The following IGFBPL1 variants were observed in gnomAD, a reference collection of about 807,000 sequenced individuals.
The protein encoded by IGFBPL1 is insulin like growth factor binding protein like 1.
Under a neutral mutation model 23.9 loss-of-function variants are expected in IGFBPL1, and 20 were observed. The observed-to-expected ratio is 0.84, with a 90% CI of 0.59 to 1.22. IGFBPL1 has a LOEUF of 1.22. IGFBPL1 is among the 50% of genes most tolerant of loss of function. The pLI, the probability that IGFBPL1 is intolerant of heterozygous loss-of-function variation, is 0.00. For missense variants in IGFBPL1, 436 were observed against 379.3 expected, an observed-to-expected ratio of 1.15 and a Z score of -1.24; for synonymous variants, 184 against 171.8, an observed-to-expected ratio of 1.07 and a Z score of -0.56.
intron 1 of IGFBPL1, among the ~76,000 whole-genome samples, chr9:38,418,195 G>A (rs1254613172): frequency 1.3e-5 from 2 of 152,196 alleles, no homozygotes; most frequent in African/African-American, 4.8e-5. Context: ...ATTCCAGCAT[G>A]GCACTGGAGT....
chr9:38,418,592 G>A (rs1821631511), intron 1 of IGFBPL1, among the ~76,000 whole-genome samples: 1 of 152,138 alleles, frequency 6.6e-6, no homozygotes, highest in African/African-American at 2.4e-5. Flanking sequence ...TGCCAGAGCC[G>A]CCACACTGCC....
At chr9:38,420,318 C>T (rs1458670543) in intron 1 of IGFBPL1, among the ~76,000 whole-genome samples, 2 of 152,198 alleles carry the variant, frequency 1.3e-5, no homozygotes, top group Non-Finnish European at 2.9e-5. Flanking sequence ...AGCCTCAGTT[C>T]ATGCTGTGCC....
chr9:38,420,177 C>T (rs1038532942), intron 1 of IGFBPL1, among the ~76,000 whole-genome samples: 4 of 152,174 alleles, frequency 2.6e-5, no homozygotes, highest in Non-Finnish European at 5.9e-5. Context: ...CTTCCCCCTT[C>T]GGCCTTGCAC....
Position 38,407,391 on chromosome 9 carries a change from G to A in IGFBPL1, c.*1836C>T, listed in dbSNP as rs1195512279. On this transcript the variant is annotated 3_prime_UTR_variant, in exon 5 of 5. Coordinates refer to ENST00000377694, the MANE Select transcript of IGFBPL1 (RefSeq NM_001007563.3). ...GCGAGCCGGGGATTAATATGCAAATGGATCTCATGTTTCCAGAATCCCAGG... is the reference window on the plus strand; with the variant it reads ...GCGAGCCGGGGATTAATATGCAAATAGATCTCATGTTTCCAGAATCCCAGG... Among the ~76,000 whole-genome samples the A allele has an allele frequency of 6.6e-6, 1 of 152,206 alleles. No homozygotes were observed. Among genetic ancestry groups the A allele is most frequent in the African/African-American group, 2.4e-5 (1 of 41,446 alleles).
chr9:38,424,358 A>ACAGCGGCGG lies in IGFBPL1; in HGVS notation c.58_66dup (p.Pro20_Leu22dup). Reference sequence around the variant, plus strand: ...ACGTCGCGGATCCCAAGGCTCGGGGACAGCGGCGGCAGCAGCGGCAGCAGC... The same window carrying ACAGCGGCGG: ...ACGTCGCGGATCCCAAGGCTCGGGGACAGCGGCGGCAGCGGCGGCAGCAGCGGCAGCAGC... On this transcript the variant is annotated inframe_insertion, in exon 1 of 5. Transcript: ENST00000377694. The ACAGCGGCGG allele has an allele frequency of 3.8e-6, 3 of 796,656 alleles. No homozygotes were observed. Among genetic ancestry groups the ACAGCGGCGG allele is most frequent in the Non-Finnish European group, 3.9e-6 (2 of 513,708 alleles). 49.3% of individuals were successfully genotyped at this position (796,656 alleles called of 1,614,324 possible).
At position 38,407,368 on chromosome 9, in the gene IGFBPL1, G is replaced by A. The variant is rs1018529089; in HGVS notation, c.*1859C>T. Among the ~76,000 whole-genome samples, 8 of 152,316 alleles carry A rather than the reference G, an allele frequency of 5.3e-5. No homozygotes were observed. The highest frequency in any genetic ancestry group is 7.2e-5 in the African/African-American group (3 of 41,572). On this transcript the variant is annotated 3_prime_UTR_variant, in exon 5 of 5. Transcript: ENST00000377694. The stretch of plus-strand genomic sequence containing the variant: ...GGAGACTTGCTCAGGGTCACACAGC[G>A]AGCCGGGGATTAATATGCAAATGGA...
Position 38,411,385 on chromosome 9 carries a change from A to C in IGFBPL1, c.*9+6T>G. 1 of 1,610,616 alleles carries C rather than the reference A, an allele frequency of 6.2e-7. No individual in the cohort carries two copies. The highest frequency in any genetic ancestry group is 8.5e-7 in the Non-Finnish European group (1 of 1,177,796). On this transcript the variant is annotated splice_donor_region_variant and intron_variant, in intron 4 of 4. Transcript: ENST00000377694. ...TAAAATACTGAAAATGACTTAGAAC[A>C]TGTACATTTCTCCATCACATGCGGT... is the stretch of plus-strand genomic sequence containing the variant.
chr9:38,414,000 T>G, intron 2 of IGFBPL1, 94 bp downstream of exon 2: 2 of 810,954 alleles, frequency 2.5e-6, no homozygotes, highest in Non-Finnish European at 4.2e-6. Context: ...AAGAAAAACA[T>G]TTTTACCACT....
At chr9:38,419,800 C>A (rs1277746421) in intron 1 of IGFBPL1, among the ~76,000 whole-genome samples, 1 of 152,148 alleles carries the variant, frequency 6.6e-6, no homozygotes, top group Non-Finnish European at 1.5e-5. Context: ...CGAAGACCCA[C>A]GTATGAATAA....
chr9:38,421,890 G>A (rs758336698), intron 1 of IGFBPL1, among the ~76,000 whole-genome samples: 23 of 152,286 alleles, frequency 1.5e-4, no homozygotes, highest in East Asian at 9.6e-4. Flanking sequence ...GCTGAACCCC[G>A]GGGAGGCCTG....
intron 1 of IGFBPL1, among the ~76,000 whole-genome samples, chr9:38,418,915 C>T (rs1024738039): frequency 2.0e-5 from 3 of 152,106 alleles, no homozygotes; most frequent in Admixed American, 2.0e-4. Flanking sequence ...CGCTGCCAAC[C>T]ACTTGAGCTT....
intron 4 of IGFBPL1, among the ~76,000 whole-genome samples, chr9:38,409,745 C>G (rs2118295738): frequency 6.6e-6 from 1 of 152,288 alleles, no homozygotes; most frequent in East Asian, 1.9e-4. Context: ...GACCCAATCT[C>G]CTAACTCTTT....
chr9:38,408,963 C>T lies in IGFBPL1; in HGVS notation c.*264G>A, dbSNP rs113242747. The T allele has an allele frequency of 1.3e-5, 2 of 152,298 alleles. No individual in the cohort carries two copies. The highest frequency in any genetic ancestry group is 4.8e-5 in the African/African-American group (2 of 41,554). The allele number at this position is 152,298 out of a possible 1,614,324, so 9.4% of individuals were successfully genotyped here. A position where few individuals can be genotyped will look rare whatever the true frequency, so the allele number is the denominator to read the frequency against. On this transcript the variant is annotated 3_prime_UTR_variant, in exon 5 of 5. Coordinates refer to ENST00000377694, the MANE Select transcript of IGFBPL1 (RefSeq NM_001007563.3). ...TTGCAAACATGCCGTTCTGTGATCT[C>T]CCTGGAAGAGAATAATTACAAAAAG...
intron 4 of IGFBPL1, among the ~76,000 whole-genome samples, chr9:38,410,228 A>G (rs1052354849): frequency 6.6e-6 from 1 of 152,148 alleles, no homozygotes. Flanking sequence ...CACGCCTGTA[A>G]TCCCAGTACT....
At position 38,413,250 on chromosome 9, in the gene IGFBPL1, G is replaced by T; in HGVS notation, c.674C>A (p.Thr225Lys). The T allele has an allele frequency of 6.2e-7, 1 of 1,609,056 alleles. No individual in the cohort carries two copies. The highest frequency in any genetic ancestry group is 8.5e-7 in the Non-Finnish European group (1 of 1,175,638). Residue 225 changes from threonine to lysine, a missense_variant, in exon 3 of 5, where the codon ACG becomes AAG. Transcript: ENST00000377694. Reference protein sequence around the residue: ...VRGGPSDHEATAWILINPLRK... With the variant: ...VRGGPSDHEAKAWILINPLRK... ...CTAAACACTCACCAAAATCCAGGCC[G>T]TGGCCTCATGGTCAGAAGGGCCCCC...
chr9:38,410,861 G>A (rs1821505043), intron 4 of IGFBPL1, among the ~76,000 whole-genome samples: 2 of 152,172 alleles, frequency 1.3e-5, no homozygotes, highest in African/African-American at 4.8e-5. Flanking sequence ...TGACCAGAGG[G>A]GATGCAGAGA....
chr9:38,423,468 C>T (rs952177500), intron 1 of IGFBPL1, among the ~76,000 whole-genome samples: 1 of 152,068 alleles, frequency 6.6e-6, no homozygotes, highest in Non-Finnish European at 1.5e-5. Context: ...ACACCGGGGG[C>T]CCTGGTGCTC....
At chr9:38,423,573 C>G (rs1821712307) in intron 1 of IGFBPL1, among the ~76,000 whole-genome samples, 1 of 151,852 alleles carries the variant, frequency 6.6e-6, no homozygotes, top group Non-Finnish European at 1.5e-5. Flanking sequence ...CTCTACTTCC[C>G]TTCCTCCCCC....
chr9:38,416,181 G>A (rs1192455334), intron 1 of IGFBPL1, among the ~76,000 whole-genome samples: 1 of 152,234 alleles, frequency 6.6e-6, no homozygotes, highest in Admixed American at 6.5e-5. Context: ...GCTCGCTGTG[G>A]TGACAGTCAG....
Sources: gnomAD v4.1 joint callset for allele counts (sites outside exome capture counted in the v4.1 genomes callset) on GRCh38, gnomAD v4.1.1 for gene constraint, MANE v1.5 for transcripts, NCBI Gene and HGNC (gene_info 2026-07-23, HGNC 2026-07-21) for gene names.